The following TENM4 variants were observed in gnomAD, a reference collection of about 807,000 sequenced individuals.
TENM4 encodes teneurin transmembrane protein 4.
TENM4 carries 82 observed loss-of-function variants against 243.3 expected under a neutral mutation model. That is an observed-to-expected ratio of 0.34 (90% confidence interval 0.28 to 0.40). The LOEUF is 0.40. Among genes scored for constraint, TENM4 ranks in the 10% least tolerant of loss-of-function variants. The pLI, the probability that TENM4 is intolerant of heterozygous loss-of-function variation, is 1.00. For synonymous variants in TENM4, 1,412 were observed against 1,456.3 expected (o/e 0.97, Z 0.69); for missense variants, 3,138 against 3,673.3 (o/e 0.85, Z 3.77).
chr11:78,840,577 C>A (rs931317292), intron 12 of TENM4, among the ~76,000 whole-genome samples: 1 of 152,196 alleles, frequency 6.6e-6, no homozygotes, highest in Non-Finnish European at 1.5e-5. Flanking sequence ...CCAGCCCTAA[C>A]CTCCCTCAAA....
intron 7 of TENM4, among the ~76,000 whole-genome samples, chr11:78,900,697 G>C (rs958403798): frequency 6.6e-6 from 1 of 152,154 alleles, no homozygotes; most frequent in Admixed American, 6.5e-5. Flanking sequence ...CAAGGTTCAG[G>C]GATGTTAGGG....
At chr11:78,913,822 A>G (rs1856253278) in intron 6 of TENM4, among the ~76,000 whole-genome samples, 3 of 152,132 alleles carry the variant, frequency 2.0e-5, no homozygotes, top group African/African-American at 7.2e-5. Flanking sequence ...AGTACAGTAG[A>G]GGCTGATCCT....
chr11:78,826,674 A>T (rs765069678), intron 12 of TENM4, among the ~76,000 whole-genome samples: 9 of 152,184 alleles, frequency 5.9e-5, no homozygotes, highest in African/African-American at 9.6e-5. Context: ...TACAAACAGG[A>T]GCCCTATGGA....
chr11:79,130,015 A>G (rs1220661068), intron 4 of TENM4, among the ~76,000 whole-genome samples: 1 of 152,184 alleles, frequency 6.6e-6, no homozygotes, highest in Non-Finnish European at 1.5e-5. Flanking sequence ...TGGAACAGGC[A>G]CTGGTATACA....
intron 1 of TENM4, among the ~76,000 whole-genome samples, chr11:79,354,528 T>A (rs1160904109): frequency 1.3e-5 from 2 of 152,160 alleles, no homozygotes; most frequent in Admixed American, 6.5e-5. Context: ...AAGCTTAAAT[T>A]TATATTTTTC....
At position 79,146,608 on chromosome 11, in the gene TENM4, A is replaced by G. The variant is rs143919851; in HGVS notation, c.-66+2102T>C. Among the ~76,000 whole-genome samples the G allele has an allele frequency of 5.1e-3, 774 of 152,200 alleles. 4 individuals carry two copies. The highest frequency in any genetic ancestry group is 0.017 in the African/African-American group (726 of 41,560). On this transcript the variant is annotated intron_variant, in intron 4 of 33. Transcript: ENST00000278550. ...AAAGATACCTTCAGAGGTTCCTTTT[A>G]TCTAACGAGTTAACACAACATTCCC... is the stretch of plus-strand genomic sequence containing the variant.
At chr11:79,291,219 C>A (rs1208016720) in intron 2 of TENM4, among the ~76,000 whole-genome samples, 3 of 152,060 alleles carry the variant, frequency 2.0e-5, no homozygotes, top group Non-Finnish European at 2.9e-5. Flanking sequence ...ACAGAAAACC[C>A]TTCTCAAAGA....
At chr11:78,739,506 C>G (rs892267889) in intron 19 of TENM4, among the ~76,000 whole-genome samples, 2 of 152,072 alleles carry the variant, frequency 1.3e-5, no homozygotes, top group African/African-American at 4.8e-5. Flanking sequence ...GAGGGTAGGT[C>G]AAGATTTCTT....
chr11:79,233,368 T>C (rs545923435), intron 2 of TENM4, among the ~76,000 whole-genome samples: 9 of 152,228 alleles, frequency 5.9e-5, no homozygotes, highest in African/African-American at 9.6e-5. Context: ...TCTATAATTA[T>C]ACAGAAGATG....
intron 15 of TENM4, among the ~76,000 whole-genome samples, chr11:78,791,059 A>T (rs1857045536): frequency 6.6e-6 from 1 of 152,034 alleles, no homozygotes; most frequent in African/African-American, 2.4e-5. Context: ...TACACATTTT[A>T]ATGGAAGGGC....
chr11:79,284,502 G>C (rs537932375), intron 2 of TENM4, among the ~76,000 whole-genome samples: 1 of 152,176 alleles, frequency 6.6e-6, no homozygotes, highest in Non-Finnish European at 1.5e-5. Context: ...ATCCACATGC[G>C]AAAGAATGAA....
intron 9 of TENM4, among the ~76,000 whole-genome samples, chr11:78,864,040 A>G (rs1268865412): frequency 6.6e-6 from 1 of 152,194 alleles, no homozygotes; most frequent in Non-Finnish European, 1.5e-5. Context: ...GTGGAAAGAT[A>G]AGTATAACAT....
intron 4 of TENM4, among the ~76,000 whole-genome samples, chr11:79,089,657 G>A (rs967197870): frequency 2.6e-5 from 4 of 152,244 alleles, no homozygotes; most frequent in African/African-American, 9.6e-5. Flanking sequence ...GCTACTTAAT[G>A]TTTGGCCCAC....
At chr11:79,287,004 T>C (rs1856266991) in intron 2 of TENM4, among the ~76,000 whole-genome samples, 1 of 152,212 alleles carries the variant, frequency 6.6e-6, no homozygotes, top group South Asian at 2.1e-4. Context: ...TGTTGGGAGC[T>C]ATTGGTGAAG....
In TENM4 at chr11:78,890,028, T is replaced by C. The variant is rs927598351; in HGVS notation, c.849-8A>G. 2 of 1,527,306 alleles carry C rather than the reference T, an allele frequency of 1.3e-6. No homozygotes were observed. The highest frequency in any genetic ancestry group is 2.5e-5 in the East Asian group (1 of 40,524). The allele number at this position is 1,527,306 out of a possible 1,614,324, so 94.6% of individuals were successfully genotyped here. A position where few individuals can be genotyped will look rare whatever the true frequency, so the allele number is the denominator to read the frequency against. The stretch of plus-strand genomic sequence containing the variant: ...GGCTTGAAGAGGAAGTGCCTGCAGA[T>C]GGAGAGCAGCAAGAGGGTGTCAGGG... On this transcript the variant is annotated splice_polypyrimidine_tract_variant and splice_region_variant and intron_variant, in intron 8 of 33. Transcript: ENST00000278550.
At chr11:78,735,110 G>A (rs556105443) in intron 20 of TENM4, among the ~76,000 whole-genome samples, 5 of 152,304 alleles carry the variant, frequency 3.3e-5, no homozygotes, top group Non-Finnish European at 7.4e-5. Flanking sequence ...CTAGTGTCAA[G>A]TTCTGCTCTT....
chr11:79,011,281 T>C (rs950692238), intron 6 of TENM4, among the ~76,000 whole-genome samples: 13 of 152,208 alleles, frequency 8.5e-5, no homozygotes, highest in African/African-American at 3.1e-4. Flanking sequence ...AGCTCCCTTT[T>C]AAGTTGATGT....
At chr11:79,060,916 T>C (rs77548129) in intron 6 of TENM4, among the ~76,000 whole-genome samples, 3,041 of 152,258 alleles carry the variant, frequency 0.02, 29 homozygotes, top group Non-Finnish European at 0.032. Flanking sequence ...CCTGTTCTGA[T>C]GGTGAGATCC....
chr11:79,146,575 A>G (rs1266507051), intron 4 of TENM4, among the ~76,000 whole-genome samples: 1 of 152,076 alleles, frequency 6.6e-6, no homozygotes, highest in African/African-American at 2.4e-5. Context: ...GCATGGTCTT[A>G]TGGAACCAAA....
Sources: gnomAD v4.1 joint callset for allele counts (sites outside exome capture counted in the v4.1 genomes callset) on GRCh38, gnomAD v4.1.1 for gene constraint, MANE v1.5 for transcripts, NCBI Gene and HGNC (gene_info 2026-07-23, HGNC 2026-07-21) for gene names.